QSOX2: variants seen among roughly 807,000 people sequenced by gnomAD.
QSOX2 encodes quiescin sulfhydryl oxidase 2.
Under a neutral mutation model 61.7 loss-of-function variants are expected in QSOX2, and 46 were observed. That is an observed-to-expected ratio of 0.75 (90% CI 0.59 to 0.95). QSOX2 has a LOEUF of 0.95. Ranked by LOEUF, QSOX2 falls within the 40% of genes least tolerant of loss-of-function variation. The probability of loss-of-function intolerance (pLI) is 0.00; values close to 1 mark genes in which losing one functional copy is unlikely to be tolerated. For missense variants in QSOX2, 879 were observed against 918.9 expected (o/e 0.96, Z 0.56); for synonymous variants, 383 against 388.4 (o/e 0.99, Z 0.16).
At position 136,209,242 on chromosome 9, in the gene QSOX2, A is replaced by G; in HGVS notation, c.1583T>C (p.Leu528Pro). The part of the protein sequence containing the change: ...HLSEDPRFPK[L>P]QWPTPDLCPA... ...GCAGAGGTCCGGAGTGGGCCACTGA[A>G]GCTTTGGAAACCGGGGATCCTCACT... is the stretch of plus-strand genomic sequence containing the variant. The change falls in exon 12 of 12, where the codon CTT becomes CCT. Residue 528 changes from leucine (L) to proline (P), a missense_variant. Leu to Pro is a moderately conservative substitution (Grantham distance 98). Coordinates refer to ENST00000358701, the MANE Select transcript of QSOX2 (RefSeq NM_181701.4). This position sits in a 1 kb window ranked among gnomAD's most constrained non-coding sequence, Gnocchi z 5.6. 6.2e-7 allele frequency: 1 copy of G among 1,613,422 alleles called. No individual in the cohort carries two copies. The highest frequency in any genetic ancestry group is 8.5e-7 in the Non-Finnish European group (1 of 1,179,608).
At chr9:136,216,109 C>T (rs965453370) in intron 9 of QSOX2, among the ~76,000 whole-genome samples, 1 of 152,310 alleles carries the variant, frequency 6.6e-6, no homozygotes, top group African/African-American at 2.4e-5. Flanking sequence ...TTACTGCCCG[C>T]GAGTAAACAC....
chr9:136,209,162 G>T lies in QSOX2; in HGVS notation c.1663C>A (p.Leu555Ile), dbSNP rs763883958. 3.1e-6 allele frequency: 5 copies of T among 1,614,200 alleles called. No homozygotes were observed. The Admixed American group carries it at 8.3e-5, about 27-fold the overall frequency. The change falls in exon 12 of 12, where the codon CTC (leucine) becomes ATC (isoleucine). Residue 555 changes from leucine to isoleucine, a missense_variant. Transcript: ENST00000358701. The surrounding 1 kb of genome is among the most constrained non-coding windows in gnomAD (Gnocchi z 5.6). ...CCATAGTGCTGCTTCAAGAATGTGA[G>T]CACGTGGCCTTCATCCCAGCTGGCC... is the stretch of plus-strand genomic sequence containing the variant. ...GLASWDEGHV[L>I]TFLKQHYGRD... is the part of the protein sequence containing the mutation.
chr9:136,223,940 A>C lies in QSOX2; in HGVS notation c.584+67T>G. The C allele has an allele frequency of 6.4e-7, 1 of 1,565,424 alleles. No homozygotes were observed. Among genetic ancestry groups the C allele is most frequent in the Non-Finnish European group, 8.8e-7 (1 of 1,136,908 alleles). On this transcript the variant is annotated intron_variant, in intron 4 of 11. Transcript: ENST00000358701. The surrounding 1 kb of genome is among the most constrained non-coding windows in gnomAD (Gnocchi z 4.4). ...CCCAGTGGCCACATCACTTAATAGA[A>C]ACCTATTACGTTTCTTGCACAGTTC...
chr9:136,223,946 T>C lies in QSOX2; in HGVS notation c.584+61A>G. On this transcript the variant is annotated intron_variant, in intron 4 of 11. Coordinates refer to ENST00000358701, the MANE Select transcript of QSOX2 (RefSeq NM_181701.4). This position sits in a 1 kb window ranked among gnomAD's most constrained non-coding sequence, Gnocchi z 4.4. The stretch of plus-strand genomic sequence containing the variant: ...GGCCACATCACTTAATAGAAACCTA[T>C]TACGTTTCTTGCACAGTTCAACACG... 9.6e-6 allele frequency: 15 copies of C among 1,561,462 alleles called. No individual in the cohort carries two copies. Among genetic ancestry groups the C allele is most frequent in the East Asian group, 2.2e-5 (1 of 44,620 alleles).
rs772417304 is a variant in QSOX2, at chr9:136,209,294, G to T, written c.1550-19C>A. 1 of 1,604,098 alleles carries T rather than the reference G, an allele frequency of 6.2e-7. No individual in the cohort carries two copies. The highest frequency in any genetic ancestry group is 1.1e-5 in the South Asian group (1 of 90,502). ...AGATGGCCTAGGAAGAAAAGGAAGC[G>T]GGAGAGCCAGAGGGAAGGAGGCTTT... On this transcript the variant is annotated intron_variant, in intron 11 of 11. Transcript: ENST00000358701. The surrounding 1 kb of genome is among the most constrained non-coding windows in gnomAD (Gnocchi z 5.6).
chr9:136,208,286 G>GGCCAAGGT lies in QSOX2; in HGVS notation c.*441_*442insACCTTGGC, dbSNP rs1831797511. ...GGGGAGCGGGGGGAGGGGGAGCGAG[G>GGCCAAGGT]GGAGTGGGGGGGAGCCAGGAGCCGC... On this transcript the variant is annotated 3_prime_UTR_variant, in exon 12 of 12. Coordinates refer to ENST00000358701, the MANE Select transcript of QSOX2 (RefSeq NM_181701.4). 5.5e-5 allele frequency: 1 copy of GGCCAAGGT among 18,072 alleles called. No homozygotes were observed. Among genetic ancestry groups the GGCCAAGGT allele is most frequent in the African/African-American group, 1.6e-4 (1 of 6,090 alleles). The allele number at this position is 18,072 out of a possible 1,614,324, so 1.1% of individuals were successfully genotyped here. A position where few individuals can be genotyped will look rare whatever the true frequency, so the allele number is the denominator to read the frequency against.
chr9:136,226,133 G>A (rs910892587), intron 2 of QSOX2, among the ~76,000 whole-genome samples: 1 of 152,230 alleles, frequency 6.6e-6, no homozygotes, highest in Non-Finnish European at 1.5e-5. Context: ...GACAAGGACG[G>A]AGTTTTACTC....
intron 10 of QSOX2, 140 bp downstream of exon 10, chr9:136,215,014 G>A (rs1831891403): frequency 2.9e-6 from 3 of 1,018,372 alleles, no homozygotes; most frequent in Non-Finnish European, 4.1e-6. Context: ...TGTGAGAGGA[G>A]TCTGAAGTGC....
At chr9:136,228,628 G>A (rs990520916) in intron 1 of QSOX2, among the ~76,000 whole-genome samples, 2 of 152,328 alleles carry the variant, frequency 1.3e-5, no homozygotes, top group Admixed American at 6.5e-5. Flanking sequence ...CAGTGTGGCA[G>A]GGCACGCCGC....
Position 136,208,221 on chromosome 9 carries a change from C to T in QSOX2, c.*507G>A, listed in dbSNP as rs761557365. On this transcript the variant is annotated 3_prime_UTR_variant, in exon 12 of 12. Transcript: ENST00000358701. Reference sequence around the variant, plus strand: ...TCCGGCTCTGTCTGTCCCCGCCCGGCTAAAGGAAAACACTTGGCAGCCTGG... The same window carrying T: ...TCCGGCTCTGTCTGTCCCCGCCCGGTTAAAGGAAAACACTTGGCAGCCTGG... 7.7e-6 allele frequency: 1 copy of T among 130,404 alleles called. No individual in the cohort carries two copies. Among genetic ancestry groups the T allele is most frequent in the African/African-American group, 2.8e-5 (1 of 35,140 alleles). The allele number at this position is 130,404 out of a possible 1,614,324, so 8.1% of individuals were successfully genotyped here.
At chr9:136,211,034 GC>G in intron 11 of QSOX2, 1 of 527,572 alleles carries the variant, frequency 1.9e-6, no homozygotes, top group Non-Finnish European at 2.4e-6. Context: ...GGGTCGAAGA[GC>G]CCCCGGAGTG....
intron 3 of QSOX2, among the ~76,000 whole-genome samples, chr9:136,224,636 GAA>G (rs1198547289): frequency 6.6e-6 from 1 of 152,176 alleles, no homozygotes; most frequent in Non-Finnish European, 1.5e-5. Context: ...AATTTACTCT[GAA>G]AAAGTTTTTA....
At chr9:136,219,196 A>G in intron 6 of QSOX2, 32 bp from the exon 7 acceptor site, 1 of 1,598,874 alleles carries the variant, frequency 6.3e-7, no homozygotes, top group Non-Finnish European at 8.5e-7. Flanking sequence ...AGGTGAGAAG[A>G]GCCTCCTTTA....
At position 136,224,262 on chromosome 9, in the gene QSOX2, C is replaced by T. The variant is rs1830258643; in HGVS notation, c.479-150G>A. On this transcript the variant is annotated intron_variant, in intron 3 of 11. Transcript: ENST00000358701. Reference sequence around the variant, plus strand: ...ACATGTGCAATCCCAATGGGTGTGCCCAATGCCACCCACAGGCGTGGTACA... The same window carrying T: ...ACATGTGCAATCCCAATGGGTGTGCTCAATGCCACCCACAGGCGTGGTACA... 1.1e-5 allele frequency: 7 copies of T among 618,274 alleles called. No homozygotes were observed. In the South Asian group the frequency reaches 1.1e-4, roughly 10 times the overall value. The allele number at this position is 618,274 out of a possible 1,614,324, so 38.3% of individuals were successfully genotyped here. A position where few individuals can be genotyped will look rare whatever the true frequency, so the allele number is the denominator to read the frequency against.
chr9:136,233,009 G>T (rs966812610), intron 1 of QSOX2, among the ~76,000 whole-genome samples: 1 of 151,574 alleles, frequency 6.6e-6, no homozygotes, highest in East Asian at 1.9e-4. Context: ...TTATGCAGGC[G>T]CAAGTGCCCT....
intron 10 of QSOX2, 92 bp downstream of exon 10, chr9:136,215,062 C>A: frequency 7.0e-7 from 1 of 1,433,850 alleles, no homozygotes; most frequent in Non-Finnish European, 9.3e-7. Context: ...CATGCTGCCT[C>A]CCATACAGCA....
In QSOX2 at chr9:136,207,926, G is replaced by A. The variant is rs1048259258; in HGVS notation, c.*802C>T. The A allele has an allele frequency of 6.6e-6, 1 of 152,346 alleles. No individual in the cohort carries two copies. The highest frequency in any genetic ancestry group is 1.5e-5 in the Non-Finnish European group (1 of 68,094). The allele number at this position is 152,346 out of a possible 1,614,324, so 9.4% of individuals were successfully genotyped here. ...CTTGTCTCTCTCTTGTCACCAGATA[G>A]ACAGACAAAGGCGCTGCCTCTGAGG... On this transcript the variant is annotated 3_prime_UTR_variant, in exon 12 of 12. Transcript: ENST00000358701.
At position 136,208,938 on chromosome 9, in the gene QSOX2, C is replaced by T. The variant is rs115282676; in HGVS notation, c.1887G>A (p.Leu629=). ...CATCCAGACTCTGGAGTTTCCCGTC[C>T]AAGCTGTGATGCAAGCTCTCTGGAA... ...PALPESLHHS[L]DGKLQSLDGP... is the part of the protein sequence containing the mutation. The change falls in exon 12 of 12, where the codon TTG becomes TTA. Residue 629 remains leucine, a synonymous_variant. Coordinates refer to ENST00000358701, the MANE Select transcript of QSOX2 (RefSeq NM_181701.4). 518 of 1,613,730 alleles carry T rather than the reference C, an allele frequency of 3.2e-4. 3 individuals are homozygous for T. The African/African-American group carries it at 6.3e-3, about 20-fold the overall frequency.
At position 136,245,574 on chromosome 9, in the gene QSOX2, T is replaced by C. The variant is rs782649736; in HGVS notation, c.230A>G (p.Asn77Ser). Residue 77 changes from asparagine to serine, a missense_variant, in exon 1 of 12, where the codon AAC becomes AGC. Coordinates refer to ENST00000358701, the MANE Select transcript of QSOX2 (RefSeq NM_181701.4). ...DSGSVRGATA[N>S]SSAAWLVQFY... ...CTGCACGAGCCACGCGGCCGAGCTGTTGGCGGTGGCCCCGCGCACGCTGCC... is the reference window on the plus strand; with the variant it reads ...CTGCACGAGCCACGCGGCCGAGCTGCTGGCGGTGGCCCCGCGCACGCTGCC... 7.0e-6 allele frequency: 11 copies of C among 1,579,314 alleles called. No homozygotes were observed. In the East Asian group the frequency reaches 1.9e-4, roughly 27 times the overall value.
Sources: allele counts gnomAD v4.1 joint callset (sites outside exome capture counted in the v4.1 genomes callset), GRCh38; gene constraint gnomAD v4.1.1; non-coding constraint Gnocchi (gnomAD v3.1); transcripts MANE v1.5; gene names NCBI Gene and HGNC (gene_info 2026-07-23, HGNC 2026-07-21).